Variants in CERS6 observed in about 807,000 individuals in gnomAD.
CERS6 encodes the protein ceramide synthase 6.
Under a neutral mutation model 56.8 loss-of-function variants are expected in CERS6, and 26 were observed. That is an observed-to-expected ratio of 0.46 (90% confidence interval 0.34 to 0.63). The LOEUF (loss-of-function observed/expected upper bound fraction) is 0.63, where lower values mean the gene tolerates loss of function less well. CERS6 is among the 30% of genes least tolerant of loss of function. The probability of loss-of-function intolerance (pLI) is 0.01; values close to 1 mark genes in which losing one functional copy is unlikely to be tolerated. For synonymous variants in CERS6, 164 were observed against 173.3 expected (o/e 0.95, Z 0.42); for missense variants, 415 against 467.5 (o/e 0.89, Z 1.04).
At chr2:168,615,528 A>G (rs1207481708) in intron 3 of CERS6, among the ~76,000 whole-genome samples, 7 of 152,176 alleles carry the variant, frequency 4.6e-5, no homozygotes, top group African/African-American at 1.4e-4. Flanking sequence ...ATAAAATACA[A>G]TAAAAACTTT....
chr2:168,462,251 A>G (rs1030762266), intron 1 of CERS6, among the ~76,000 whole-genome samples: 2 of 152,088 alleles, frequency 1.3e-5, no homozygotes, highest in Non-Finnish European at 2.9e-5. Flanking sequence ...GAATCAGAAT[A>G]CTGGAGTTCC....
intron 8 of CERS6, among the ~76,000 whole-genome samples, chr2:168,760,184 GT>G (rs1479485608): frequency 6.6e-6 from 1 of 152,132 alleles, no homozygotes; most frequent in Non-Finnish European, 1.5e-5. Context: ...ATATACAGGA[GT>G]TTATTAAGTA....
At chr2:168,607,090 T>G (rs1684070290) in intron 3 of CERS6, among the ~76,000 whole-genome samples, 1 of 152,118 alleles carries the variant, frequency 6.6e-6, no homozygotes, top group Non-Finnish European at 1.5e-5. Context: ...AAGAATGGAC[T>G]ATTACAATGG....
At chr2:168,544,963 G>T (rs1695437040) in intron 1 of CERS6, among the ~76,000 whole-genome samples, 1 of 151,894 alleles carries the variant, frequency 6.6e-6, no homozygotes, top group South Asian at 2.1e-4. Context: ...TGTAGCTGAG[G>T]CTGGTGAGCC....
chr2:168,673,144 A>G (rs925967876), intron 4 of CERS6, among the ~76,000 whole-genome samples: 1 of 152,238 alleles, frequency 6.6e-6, no homozygotes, highest in Non-Finnish European at 1.5e-5. Context: ...CTAAATTATT[A>G]TCATCAAATT....
chr2:168,626,144 G>A (rs1361750819), intron 3 of CERS6, among the ~76,000 whole-genome samples: 2 of 150,572 alleles, frequency 1.3e-5, no homozygotes, highest in Admixed American at 1.3e-4. Flanking sequence ...CCTCATCAGG[G>A]AAAAAAAAAT....
intron 3 of CERS6, among the ~76,000 whole-genome samples, chr2:168,571,549 G>T (rs1695987028): frequency 6.6e-6 from 1 of 152,096 alleles, no homozygotes; most frequent in African/African-American, 2.4e-5. Flanking sequence ...ATTGACTATT[G>T]AAAGTAGGTT....
At chr2:168,766,082 G>C (rs963451006) in intron 9 of CERS6, among the ~76,000 whole-genome samples, 7 of 152,130 alleles carry the variant, frequency 4.6e-5, no homozygotes, top group African/African-American at 1.7e-4. Context: ...TATGAGAAGG[G>C]TCGCTTGGTG....
At chr2:168,460,317 C>T (rs1693756312) in intron 1 of CERS6, among the ~76,000 whole-genome samples, 1 of 152,004 alleles carries the variant, frequency 6.6e-6, no homozygotes. Context: ...ACCTCAGCCT[C>T]ACGAGTAGCT....
chr2:168,632,934 G>A (rs969509052), intron 4 of CERS6, among the ~76,000 whole-genome samples: 2 of 152,120 alleles, frequency 1.3e-5, no homozygotes, highest in South Asian at 2.1e-4. Context: ...ACGGCAATGC[G>A]GTTATCTGTC....
chr2:168,563,317 A>G (rs1481884828), intron 3 of CERS6, among the ~76,000 whole-genome samples: 1 of 152,198 alleles, frequency 6.6e-6, no homozygotes, highest in Non-Finnish European at 1.5e-5. Flanking sequence ...TAAGACAGTC[A>G]TAGTTATGAT....
chr2:168,458,336 C>T (rs556688212), intron 1 of CERS6, among the ~76,000 whole-genome samples: 9 of 152,322 alleles, frequency 5.9e-5, no homozygotes, highest in African/African-American at 1.9e-4. Flanking sequence ...CCGAATTTTC[C>T]TGACATCCTC....
At chr2:168,626,348 G>A (rs2105290685) in intron 3 of CERS6, among the ~76,000 whole-genome samples, 1 of 152,234 alleles carries the variant, frequency 6.6e-6, no homozygotes, top group Non-Finnish European at 1.5e-5. Flanking sequence ...TGGCTGCTCT[G>A]GATGATTCCC....
intron 8 of CERS6, among the ~76,000 whole-genome samples, chr2:168,730,091 C>T (rs1448381367): frequency 6.6e-6 from 1 of 152,150 alleles, no homozygotes; most frequent in African/African-American, 2.4e-5. Context: ...CCTTAAGATA[C>T]GGAATCGGCC....
intron 1 of CERS6, among the ~76,000 whole-genome samples, chr2:168,484,541 T>C (rs956983604): frequency 6.6e-6 from 1 of 152,088 alleles, no homozygotes; most frequent in African/African-American, 2.4e-5. Flanking sequence ...GTAACCACAC[T>C]GGTAAGGTGA....
intron 1 of CERS6, among the ~76,000 whole-genome samples, chr2:168,510,643 A>G (rs1694762384): frequency 6.6e-6 from 1 of 152,206 alleles, no homozygotes; most frequent in Non-Finnish European, 1.5e-5. Context: ...TTGTTTTATA[A>G]AACCAAGAGC....
At chr2:168,563,634 A>G (rs1695832260) in intron 3 of CERS6, among the ~76,000 whole-genome samples, 1 of 152,100 alleles carries the variant, frequency 6.6e-6, no homozygotes, top group South Asian at 2.1e-4. Context: ...CGTCTCTACT[A>G]AAAATACAAA....
At chr2:168,767,975 C>T (rs1327122129) in intron 9 of CERS6, among the ~76,000 whole-genome samples, 1 of 152,124 alleles carries the variant, frequency 6.6e-6, no homozygotes, top group East Asian at 1.9e-4. Flanking sequence ...AATCTTAAGG[C>T]CTTCTGGGTA....
intron 3 of CERS6, among the ~76,000 whole-genome samples, chr2:168,582,271 C>T (rs1683432215): frequency 6.6e-6 from 1 of 152,080 alleles, no homozygotes; most frequent in African/African-American, 2.4e-5. Context: ...AGATTCTTCC[C>T]CCTTTCCTCC....
Sources: allele counts gnomAD v4.1 joint callset (sites outside exome capture counted in the v4.1 genomes callset), GRCh38; gene constraint gnomAD v4.1.1; transcripts MANE v1.5; gene names NCBI Gene and HGNC (gene_info 2026-07-23, HGNC 2026-07-21).